The following DPP6 variants were observed in gnomAD, a reference collection of about 807,000 sequenced individuals.
DPP6 encodes A-type potassium channel modulatory protein DPP6.
DPP6 carries 69 observed loss-of-function variants against 122.6 expected under a neutral mutation model. That is an observed-to-expected ratio of 0.56 (90% confidence interval 0.46 to 0.69). The LOEUF is 0.69. DPP6 is among the 30% of genes least tolerant of loss of function. The pLI, the probability that DPP6 is intolerant of heterozygous loss-of-function variation, is 0.00. For missense variants in DPP6, 928 were observed against 1,116.9 expected, an observed-to-expected ratio of 0.83 and a Z score of 2.41; for synonymous variants, 418 against 433.1, an observed-to-expected ratio of 0.97 and a Z score of 0.43.
At chr7:154,832,924 G>A (rs576408776) in intron 16 of DPP6, among the ~76,000 whole-genome samples, 1 of 152,330 alleles carries the variant, frequency 6.6e-6, no homozygotes, top group East Asian at 1.9e-4. Context: ...TACCCTGTGG[G>A]GACACAGAGA....
chr7:154,534,634 G>A (rs565237448), intron 3 of DPP6, among the ~76,000 whole-genome samples: 43 of 151,946 alleles, frequency 2.8e-4, no homozygotes, highest in Non-Finnish European at 5.6e-4. Context: ...AAAAATATTG[G>A]GAAATTTTGG....
At chr7:154,295,642 CT>C (rs759741786) in intron 1 of DPP6, among the ~76,000 whole-genome samples, 1 of 151,516 alleles carries the variant, frequency 6.6e-6, no homozygotes, top group Non-Finnish European at 1.5e-5. Context: ...TTCCTTTTTC[CT>C]TATTTCCCTC....
At chr7:154,315,241 G>A (rs1807333432) in intron 1 of DPP6, among the ~76,000 whole-genome samples, 2 of 152,212 alleles carry the variant, frequency 1.3e-5, no homozygotes, top group African/African-American at 4.8e-5. Context: ...TACAACAGGT[G>A]TGGGAATATG....
chr7:154,140,357 A>G (rs1445164348), intron 1 of DPP6, among the ~76,000 whole-genome samples: 1 of 152,246 alleles, frequency 6.6e-6, no homozygotes, highest in East Asian at 1.9e-4. Flanking sequence ...ACGGATTACC[A>G]CAAGTAAACA....
chr7:154,817,664 G>A (rs1473450079), intron 16 of DPP6, among the ~76,000 whole-genome samples: 1 of 152,188 alleles, frequency 6.6e-6, no homozygotes, highest in African/African-American at 2.4e-5. Flanking sequence ...ACAAGTAACT[G>A]ATGTCATGAA....
the DPP6 span, among the ~76,000 whole-genome samples, chr7:153,803,773 A>C: frequency 0.96 from 145,277 of 151,162 alleles, 69,865 homozygotes; most frequent in East Asian, 1. Flanking sequence ...ACTTACATAT[A>C]TGGAGATATA....
At chr7:154,363,236 C>T (rs1285816906) in intron 1 of DPP6, among the ~76,000 whole-genome samples, 2 of 152,132 alleles carry the variant, frequency 1.3e-5, no homozygotes, top group Admixed American at 6.5e-5. Context: ...TCTGTTGAGC[C>T]TTTTGAACAT....
At chr7:154,034,303 C>T (rs1325545529) in intron 1 of DPP6, among the ~76,000 whole-genome samples, 7 of 152,274 alleles carry the variant, frequency 4.6e-5, no homozygotes, top group Admixed American at 3.3e-4. Flanking sequence ...TTCAGTTGTT[C>T]CAATCCTTTG....
At chr7:154,749,393 A>G in intron 8 of DPP6, among the ~76,000 whole-genome samples, 1 of 127,042 alleles carries the variant, frequency 7.9e-6, no homozygotes, top group Non-Finnish European at 1.6e-5. Flanking sequence ...AGAGAGAGGG[A>G]TGGAGGCTTT....
chr7:154,512,812 T>C (rs1826193472), intron 3 of DPP6, among the ~76,000 whole-genome samples: 1 of 152,188 alleles, frequency 6.6e-6, no homozygotes, highest in Admixed American at 6.5e-5. Flanking sequence ...CCTTGATTGA[T>C]AATAAATTTT....
At chr7:154,167,670 A>G (rs928013510) in intron 1 of DPP6, among the ~76,000 whole-genome samples, 2 of 152,186 alleles carry the variant, frequency 1.3e-5, no homozygotes, top group Admixed American at 1.3e-4. Context: ...TCAGGGGGGC[A>G]TTTTGAGCCC....
At chr7:154,432,163 C>G (rs1818481156) in intron 1 of DPP6, among the ~76,000 whole-genome samples, 1 of 152,156 alleles carries the variant, frequency 6.6e-6, no homozygotes, top group Non-Finnish European at 1.5e-5. Flanking sequence ...AGTTAATCTG[C>G]CATAATATTA....
At chr7:153,995,232 A>G (rs1030420609) in intron 1 of DPP6, among the ~76,000 whole-genome samples, 9 of 152,178 alleles carry the variant, frequency 5.9e-5, no homozygotes, top group Non-Finnish European at 1.2e-4. Flanking sequence ...CAAAGCAGCC[A>G]TTCACTAGCC....
chr7:154,823,862 A>ATCCT (rs1799959044), intron 16 of DPP6, among the ~76,000 whole-genome samples: 1 of 152,182 alleles, frequency 6.6e-6, no homozygotes, highest in South Asian at 2.1e-4. Flanking sequence ...TTCTCCAAAG[A>ATCCT]TCCTTCTCTC....
chr7:153,808,275 G>A, the DPP6 span, among the ~76,000 whole-genome samples: 151 of 140,634 alleles, frequency 1.1e-3, 1 homozygote, highest in Admixed American at 5.0e-3. Flanking sequence ...CTGTGTGTGC[G>A]CACGTGTGTG....
chr7:153,837,556 C>T, the DPP6 span, among the ~76,000 whole-genome samples: 14 of 152,196 alleles, frequency 9.2e-5, no homozygotes, highest in Non-Finnish European at 1.2e-4. Context: ...AATTAAAAAT[C>T]CCTTTTCTAC....
At chr7:154,243,487 T>A (rs143135231) in intron 1 of DPP6, among the ~76,000 whole-genome samples, 139 of 152,142 alleles carry the variant, frequency 9.1e-4, no homozygotes, top group African/African-American at 3.3e-3. Flanking sequence ...TAGATGGGTA[T>A]AATAATAGTT....
At chr7:154,136,905 T>C (rs941876450) in intron 1 of DPP6, among the ~76,000 whole-genome samples, 1 of 152,212 alleles carries the variant, frequency 6.6e-6, no homozygotes, top group African/African-American at 2.4e-5. Context: ...AATTCAGTCT[T>C]TAAAAATTAT....
intron 1 of DPP6, among the ~76,000 whole-genome samples, chr7:154,235,706 T>TA (rs1380022897): frequency 2.6e-5 from 4 of 152,216 alleles, no homozygotes; most frequent in African/African-American, 9.7e-5. Context: ...TTTTTCCCCT[T>TA]ACTGCACAAA....
Sources: allele counts gnomAD v4.1 joint callset (sites outside exome capture counted in the v4.1 genomes callset), GRCh38; gene constraint gnomAD v4.1.1; transcripts MANE v1.5; gene names NCBI Gene and HGNC (gene_info 2026-07-23, HGNC 2026-07-21).